The following TNKS1BP1 variants were observed in gnomAD, a reference collection of about 807,000 sequenced individuals.
TNKS1BP1 encodes the protein 182 kDa tankyrase-1-binding protein.
Under a neutral mutation model 141.1 loss-of-function variants are expected in TNKS1BP1, and 48 were observed. That is an observed-to-expected ratio of 0.34 (90% CI 0.27 to 0.43). TNKS1BP1 has a LOEUF of 0.43. Among genes scored for constraint, TNKS1BP1 ranks in the 20% least tolerant of loss-of-function variants. TNKS1BP1 has a pLI of 1.00. For missense variants in TNKS1BP1, 2,149 were observed against 2,226.0 expected (o/e 0.97, Z 0.70); for synonymous variants, 875 against 898.2 (o/e 0.97, Z 0.46).
chr11:57,322,002 G>A (rs1245853892), intron 1 of TNKS1BP1, 52 bp from the exon 2 acceptor site: 9 of 1,408,400 alleles, frequency 6.4e-6, no homozygotes, highest in Non-Finnish European at 6.5e-6. Flanking sequence ...GTTGCCAGTA[G>A]GTTTAGCAGA....
chr11:57,309,464 T>C lies in TNKS1BP1; in HGVS notation c.3247A>G (p.Lys1083Glu). The C allele has an allele frequency of 6.2e-7, 1 of 1,614,050 alleles. No homozygotes were observed. The highest frequency in any genetic ancestry group is 1.1e-5 in the South Asian group (1 of 91,070). Residue 1083 changes from lysine (K) to glutamate (E), a missense_variant, in exon 6 of 12, where the codon AAG becomes GAG. Coordinates refer to ENST00000358252, the MANE Select transcript of TNKS1BP1 (RefSeq NM_033396.3). The surrounding 1 kb of genome is among the most constrained non-coding windows in gnomAD (Gnocchi z 4.3). ...SADLEDGEMGKRGWVGEFSLS... is the reference protein window; with the variant it reads ...SADLEDGEMGERGWVGEFSLS... Reference sequence around the variant, plus strand: ...CTAAACTCACCGACCCAGCCTCGCTTTCCCATCTCCCCATCTTCCAGGTCA... The same window carrying C: ...CTAAACTCACCGACCCAGCCTCGCTCTCCCATCTCCCCATCTTCCAGGTCA...
At position 57,321,849 on chromosome 11, in the gene TNKS1BP1, C is replaced by A; in HGVS notation, c.37G>T (p.Ala13Ser). 6.2e-7 allele frequency: 1 copy of A among 1,614,098 alleles called. No homozygotes were observed. The highest frequency in any genetic ancestry group is 1.7e-4 in the Middle Eastern group (1 of 6,060). Residue 13 changes from alanine (A) to serine (S), a missense_variant, in exon 2 of 12, where the codon GCT (alanine) becomes TCT (serine). Ala to Ser is a moderately conservative substitution (Grantham distance 99, BLOSUM62 1). Coordinates refer to ENST00000358252, the MANE Select transcript of TNKS1BP1 (RefSeq NM_033396.3). ...TCCATCTCCCGGGGCAGTGGGGAAG[C>A]CATGGCTGAGCTTTCCCTGAGAGTA... Reference protein sequence around the residue: ...VSTLRESSAMASPLPREMEEE... With the variant: ...VSTLRESSAMSSPLPREMEEE...
chr11:57,312,867 G>C lies in TNKS1BP1; in HGVS notation c.1821C>G (p.Thr607=), dbSNP rs750193726. 42 of 1,608,400 alleles carry C rather than the reference G, an allele frequency of 2.6e-5. No homozygotes were observed. In the Admixed American group the frequency reaches 6.7e-4, roughly 26 times the overall value. Residue 607 remains threonine (T), a synonymous_variant, in exon 5 of 12, where the codon ACC becomes ACG. Coordinates refer to ENST00000358252, the MANE Select transcript of TNKS1BP1 (RefSeq NM_033396.3). ...CCAGGATGGGCAAGGCTGCCTCCCT[G>C]GTAGCCAGGGGGAGAGGGGACTCCT... is the stretch of plus-strand genomic sequence containing the variant. ...AGQESPLPLA[T]REAALPILEP... is the part of the protein sequence containing the mutation.
At chr11:57,314,749 T>G (rs1236809020) in intron 4 of TNKS1BP1, among the ~76,000 whole-genome samples, 1 of 152,058 alleles carries the variant, frequency 6.6e-6, no homozygotes, top group Non-Finnish European at 1.5e-5. Flanking sequence ...CCCCAGACAA[T>G]GAAGTGACTC....
chr11:57,301,984 C>T, intron 8 of TNKS1BP1, 41 bp from the exon 9 acceptor site: 2 of 1,610,026 alleles, frequency 1.2e-6, no homozygotes, highest in South Asian at 2.2e-5. Flanking sequence ...AGGCAGCACA[C>T]CCAGACTCCC....
chr11:57,305,970 TAAAGAG>T (rs1855603148), intron 6 of TNKS1BP1, among the ~76,000 whole-genome samples: 1 of 152,056 alleles, frequency 6.6e-6, no homozygotes, highest in South Asian at 2.1e-4. Flanking sequence ...AAATTTTCTT[TAAAGAG>T]AAAGTGCCCA....
At position 57,300,517 on chromosome 11, in the gene TNKS1BP1, C is replaced by T. The variant is rs773440908; in HGVS notation, c.*12+11G>A. On this transcript the variant is annotated intron_variant, in intron 11 of 11. Coordinates refer to ENST00000358252, the MANE Select transcript of TNKS1BP1 (RefSeq NM_033396.3). ...CTCAGACTGGATCCAAGCCCAGGAACCTGTCCTCACCTCAGTGACTTCTCA... is the reference window on the plus strand; with the variant it reads ...CTCAGACTGGATCCAAGCCCAGGAATCTGTCCTCACCTCAGTGACTTCTCA... 60 of 1,614,054 alleles carry T rather than the reference C, an allele frequency of 3.7e-5. 1 individual carries two copies. The highest frequency in any genetic ancestry group is 3.7e-5 in the Non-Finnish European group (44 of 1,179,978).
chr11:57,306,917 G>A (rs1444538186), intron 6 of TNKS1BP1, among the ~76,000 whole-genome samples: 1 of 75,094 alleles, frequency 1.3e-5, no homozygotes, highest in African/African-American at 5.3e-5. Flanking sequence ...GGGGGGGGTT[G>A]GGTGGGAGGG....
At chr11:57,322,271 G>C (rs954894852) in intron 1 of TNKS1BP1, 2 of 1,030,970 alleles carry the variant, frequency 1.9e-6, no homozygotes, top group Non-Finnish European at 1.2e-6. Context: ...GGACGGCCCC[G>C]CTGGAGGTGT....
intron 3 of TNKS1BP1, among the ~76,000 whole-genome samples, chr11:57,319,767 C>CAAA (rs35985668): frequency 6.8e-5 from 7 of 102,888 alleles, no homozygotes; most frequent in East Asian, 2.6e-4. Flanking sequence ...AACACCATCT[C>CAAA]AAAAAAAAAA....
At chr11:57,319,497 G>C (rs902220194) in intron 3 of TNKS1BP1, among the ~76,000 whole-genome samples, 1 of 152,156 alleles carries the variant, frequency 6.6e-6, no homozygotes, top group African/African-American at 2.4e-5. Flanking sequence ...GGGCGTGGTG[G>C]CTCATGCCTG....
intron 6 of TNKS1BP1, among the ~76,000 whole-genome samples, chr11:57,307,126 A>G (rs1356482365): frequency 6.6e-6 from 1 of 152,102 alleles, no homozygotes; most frequent in Non-Finnish European, 1.5e-5. Context: ...TGGGGTGTGC[A>G]AAGTTCTATG....
intron 6 of TNKS1BP1, among the ~76,000 whole-genome samples, chr11:57,307,132 CTA>C (rs1180187655): frequency 1.3e-5 from 2 of 152,092 alleles, no homozygotes; most frequent in Admixed American, 6.6e-5. Flanking sequence ...GTGCAAAGTT[CTA>C]TGAGTCCCAG....
At chr11:57,320,032 ACCTG>A in intron 3 of TNKS1BP1, 43 bp downstream of exon 3, 1 of 550,876 alleles carries the variant, frequency 1.8e-6, no homozygotes, top group Non-Finnish European at 3.0e-6. Flanking sequence ...ATCCCACCCC[ACCTG>A]ACCTCCAGGC....
intron 4 of TNKS1BP1, among the ~76,000 whole-genome samples, chr11:57,315,371 C>T (rs1001468049): frequency 3.9e-5 from 6 of 152,050 alleles, no homozygotes; most frequent in African/African-American, 1.2e-4. Flanking sequence ...CTTCTTATCA[C>T]CATTAACGTC....
At chr11:57,320,020 C>CCCCCCCCCGCA in intron 3 of TNKS1BP1, 59 bp downstream of exon 3, 1 of 1,213,902 alleles carries the variant, frequency 8.2e-7, no homozygotes, top group Non-Finnish European at 1.2e-6. Context: ...AGCCCCCACC[C>CCCCCCCCCGCA]AATCCCACCC....
intron 4 of TNKS1BP1, among the ~76,000 whole-genome samples, chr11:57,315,664 C>G (rs1855787859): frequency 6.6e-6 from 1 of 151,898 alleles, no homozygotes; most frequent in African/African-American, 2.4e-5. Context: ...GACCTCCACA[C>G]CTCCCCCAAT....
Position 57,302,484 on chromosome 11 carries a change from G to A in TNKS1BP1, c.4658C>T (p.Pro1553Leu). 1.9e-6 allele frequency: 3 copies of A among 1,605,166 alleles called. No individual in the cohort carries two copies. The highest frequency in any genetic ancestry group is 2.6e-6 in the Non-Finnish European group (3 of 1,174,132). ...CTCAATGAAGGAGAAGTCCTGACTG[G>A]GGGATCTGGCAGGAGGGCCTTGGGA... The part of the protein sequence containing the change: ...RPSQGPPARS[P>L]SQDFSFIEDT... The change falls in exon 7 of 12, where the codon CCC becomes CTC. Residue 1553 changes from proline to leucine, a missense_variant. Pro to Leu is a moderately conservative substitution (Grantham distance 98). Coordinates refer to ENST00000358252, the MANE Select transcript of TNKS1BP1 (RefSeq NM_033396.3). The surrounding 1 kb of genome is among the most constrained non-coding windows in gnomAD (Gnocchi z 5.5).
intron 6 of TNKS1BP1, among the ~76,000 whole-genome samples, chr11:57,307,030 G>C (rs967689256): frequency 2.0e-5 from 3 of 152,000 alleles, no homozygotes; most frequent in South Asian, 2.1e-4. Context: ...ACCACCTTTC[G>C]ACCCTCCAGC....
Sources: gnomAD v4.1 joint callset for allele counts (sites outside exome capture counted in the v4.1 genomes callset) on GRCh38, gnomAD v4.1.1 for gene constraint, Gnocchi (gnomAD v3.1) non-coding constraint, MANE v1.5 for transcripts, NCBI Gene and HGNC (gene_info 2026-07-23, HGNC 2026-07-21) for gene names.